The following ABCG1 variants were observed in gnomAD, a reference collection of about 807,000 sequenced individuals.
ABCG1 encodes the protein ATP binding cassette subfamily G member 1.
In ABCG1, 29 loss-of-function variants were observed where a neutral mutation model predicts 69.2. The observed-to-expected ratio is 0.42, with a 90% confidence interval of 0.31 to 0.57. ABCG1 has a LOEUF of 0.57. Among genes scored for constraint, ABCG1 ranks in the 20% least tolerant of loss-of-function variants. The pLI is 0.15. For synonymous variants in ABCG1, 370 were observed against 374.8 expected (o/e 0.99, Z 0.15); for missense variants, 718 against 898.1 (o/e 0.80, Z 2.56).
chr21:42,265,853 C>T (rs996746915), intron 2 of ABCG1, among the ~76,000 whole-genome samples: 1 of 152,206 alleles, frequency 6.6e-6, no homozygotes, highest in East Asian at 1.9e-4. Flanking sequence ...CTGGCCTCCC[C>T]CTTAGTGAGG....
rs117433954 is a variant in ABCG1, at chr21:42,288,927, A to T, written c.1224+615A>T. On this transcript the variant is annotated intron_variant, in intron 10 of 14. Transcript: ENST00000398449. The surrounding 1 kb of genome is among the most constrained non-coding windows in gnomAD (Gnocchi z 4.8). The stretch of plus-strand genomic sequence containing the variant: ...CAATCATGGTGGAAGGCAAAGTGGG[A>T]TGGAGCGCTACACACTTTTAAACAT... 9.1e-3 allele frequency among the ~76,000 whole-genome samples: 1,378 copies of T among 152,222 alleles called. 9 individuals carry two copies. The highest frequency in any genetic ancestry group is 0.028 in the South Asian group (137 of 4,816).
At position 42,296,627 on chromosome 21, in the gene ABCG1, T is replaced by TTG; in HGVS notation, c.*236_*237insGT. The TTG allele has an allele frequency of 1.9e-6, 1 of 516,880 alleles. No homozygotes were observed. The highest frequency in any genetic ancestry group is 3.5e-6 in the Non-Finnish European group (1 of 285,962). The allele number at this position is 516,880 out of a possible 1,614,324, so 32.0% of individuals were successfully genotyped here. A position where few individuals can be genotyped will look rare whatever the true frequency, so the allele number is the denominator to read the frequency against. On this transcript the variant is annotated 3_prime_UTR_variant, in exon 15 of 15. Transcript: ENST00000398449. This position sits in a 1 kb window ranked among gnomAD's most constrained non-coding sequence, Gnocchi z 5.4. ...GGAAGATGTAGGCAGATTGGTGGTT[T>TTG]TTTTTTTTTTAACATACAGAATTTT...
In ABCG1 at chr21:42,291,644, C is replaced by T. The variant is rs139750767; in HGVS notation, c.1641C>T (p.Ser547=). 494 of 1,602,596 alleles carry T rather than the reference C, an allele frequency of 3.1e-4. 2 individuals carry two copies. In the African/African-American group the frequency reaches 5.9e-3, roughly 19 times the overall value. ...TGGGCCTGCTGATCGGAGCCGCCTC[C>T]ACGTCCCTGCAGGTGCCAGCCCAGG... The part of the protein sequence containing the change: ...QSLGLLIGAA[S]TSLQVATFVG... Residue 547 remains serine (S), a synonymous_variant, in exon 13 of 15, where the codon TCC becomes TCT. Coordinates refer to ENST00000398449, the MANE Select transcript of ABCG1 (RefSeq NM_016818.3). This position sits in a 1 kb window ranked among gnomAD's most constrained non-coding sequence, Gnocchi z 6.4.
At chr21:42,279,351 G>A (rs1271846780) in intron 5 of ABCG1, among the ~76,000 whole-genome samples, 2 of 152,164 alleles carry the variant, frequency 1.3e-5, no homozygotes, top group Non-Finnish European at 2.9e-5. Context: ...GGGGATCACC[G>A]GAGGCCGGGG....
intron 10 of ABCG1, 89 bp from the exon 11 acceptor site, chr21:42,289,961 C>A: frequency 6.8e-7 from 1 of 1,469,320 alleles, no homozygotes; most frequent in Non-Finnish European, 9.5e-7. Flanking sequence ...AGTTCAGGGT[C>A]CCATGCTTCC....
intron 5 of ABCG1, among the ~76,000 whole-genome samples, chr21:42,280,828 C>G (rs1434582105): frequency 6.6e-6 from 1 of 152,180 alleles, no homozygotes; most frequent in East Asian, 1.9e-4. Flanking sequence ...TCCAGAAGAT[C>G]TGGAGGCCTC....
At chr21:42,263,878 C>G (rs543551318) in intron 2 of ABCG1, among the ~76,000 whole-genome samples, 206 of 152,354 alleles carry the variant, frequency 1.4e-3, no homozygotes, top group African/African-American at 4.7e-3. Flanking sequence ...CACGGCGTTG[C>G]CTGAGACGGG....
At chr21:42,218,550 T>C (rs937514580), upstream of ABCG1, among the ~76,000 whole-genome samples, 3 of 152,200 alleles carry the variant, frequency 2.0e-5, no homozygotes, top group Non-Finnish European at 4.4e-5. Flanking sequence ...ACCCAGCACT[T>C]AGCACCATGG....
At chr21:42,220,121 A>G in intron 1 of ABCG1, 1 of 1,370,626 alleles carries the variant, frequency 7.3e-7, no homozygotes, top group Non-Finnish European at 1.0e-6. Context: ...CAACAAACCA[A>G]TCATCAGGCC....
chr21:42,289,926 T>A, intron 10 of ABCG1, 124 bp from the exon 11 acceptor site: 1 of 1,055,432 alleles, frequency 9.5e-7, no homozygotes, highest in Non-Finnish European at 1.4e-6. Flanking sequence ...GAAGACAGGA[T>A]AAAGTCTAAG....
At chr21:42,285,506 A>C (rs780097482) in intron 7 of ABCG1, among the ~76,000 whole-genome samples, 12 of 142,162 alleles carry the variant, frequency 8.4e-5, no homozygotes, top group Non-Finnish European at 1.7e-4. Context: ...ACCCTGTATC[A>C]AAAAAAAAAA....
chr21:42,283,878 C>T (rs1220309749), intron 6 of ABCG1, among the ~76,000 whole-genome samples: 5 of 19,904 alleles, frequency 2.5e-4, no homozygotes, highest in East Asian at 4.4e-3. Context: ...ACCTCTGTCC[C>T]GCCTGGACAG....
upstream of ABCG1, among the ~76,000 whole-genome samples, chr21:42,213,982 T>C (rs2067614212): frequency 6.6e-6 from 1 of 152,210 alleles, no homozygotes; most frequent in South Asian, 2.1e-4. Context: ...CTTTAGACTT[T>C]TTATTTGGTG....
intron 2 of ABCG1, among the ~76,000 whole-genome samples, chr21:42,252,278 A>G (rs1015532047): frequency 6.6e-6 from 1 of 152,134 alleles, no homozygotes; most frequent in Non-Finnish European, 1.5e-5. Context: ...TGTGCCTACC[A>G]TTGTGCCTGT....
chr21:42,214,276 T>C (rs1440874926), upstream of ABCG1, among the ~76,000 whole-genome samples: 1 of 152,238 alleles, frequency 6.6e-6, no homozygotes, highest in African/African-American at 2.4e-5. Context: ...TCTTCCATCA[T>C]GTGAGGACAC....
intron 3 of ABCG1, among the ~76,000 whole-genome samples, chr21:42,271,698 A>T (rs1328276411): frequency 1.3e-5 from 2 of 152,202 alleles, no homozygotes; most frequent in Non-Finnish European, 2.9e-5. Flanking sequence ...CCTGGCCAAC[A>T]TGATGAAACC....
chr21:42,276,756 G>T lies in ABCG1; in HGVS notation c.538-139G>T, dbSNP rs2068718444. 3.7e-6 allele frequency: 3 copies of T among 803,304 alleles called. No individual in the cohort carries two copies. The highest frequency in any genetic ancestry group is 2.5e-5 in the East Asian group (1 of 40,522). The allele number at this position is 803,304 out of a possible 1,614,324, so 49.8% of individuals were successfully genotyped here. A position where few individuals can be genotyped will look rare whatever the true frequency, so the allele number is the denominator to read the frequency against. ...CGGCATTGTGGCTAGCTGCACTGTG[G>T]GTAGCTGCACCGTGGCTAGTGGCAC... On this transcript the variant is annotated intron_variant, in intron 4 of 14. Coordinates refer to ENST00000398449, the MANE Select transcript of ABCG1 (RefSeq NM_016818.3). This position sits in a 1 kb window ranked among gnomAD's most constrained non-coding sequence, Gnocchi z 5.3.
chr21:42,205,701 T>G (rs2067537591), intron 2 of ABCG1, among the ~76,000 whole-genome samples: 1 of 152,170 alleles, frequency 6.6e-6, no homozygotes, highest in South Asian at 2.1e-4. Flanking sequence ...TTCAATTACA[T>G]TGATTTCTGT....
At chr21:42,264,768 G>A (rs941298579) in intron 2 of ABCG1, among the ~76,000 whole-genome samples, 3 of 152,062 alleles carry the variant, frequency 2.0e-5, no homozygotes, top group African/African-American at 4.8e-5. Flanking sequence ...CATGGGGAAA[G>A]GGGGAGGACC....
Sources: allele counts gnomAD v4.1 joint callset (sites outside exome capture counted in the v4.1 genomes callset), GRCh38; gene constraint gnomAD v4.1.1; non-coding constraint Gnocchi (gnomAD v3.1); transcripts MANE v1.5; gene names NCBI Gene and HGNC (gene_info 2026-07-23, HGNC 2026-07-21).